Variants in CMBL observed in about 807,000 individuals in gnomAD.
The protein encoded by CMBL is carboxymethylenebutenolidase homolog (Pseudomonas).
A neutral mutation model predicts 28.7 loss-of-function variants in CMBL; 17 were observed. The observed-to-expected ratio is 0.59, with a 90% CI of 0.41 to 0.89. The LOEUF is 0.89. Among genes scored for constraint, CMBL ranks in the 40% least tolerant of loss-of-function variants. The pLI, the probability that CMBL is intolerant of heterozygous loss-of-function variation, is 0.00. For missense variants in CMBL, 310 were observed against 298.5 expected, an observed-to-expected ratio of 1.04 and a Z score of -0.28; for synonymous variants, 106 against 101.6, an observed-to-expected ratio of 1.04 and a Z score of -0.26.
At chr5:10,290,168 G>A (rs1047629321) in intron 2 of CMBL, among the ~76,000 whole-genome samples, 5 of 152,238 alleles carry the variant, frequency 3.3e-5, no homozygotes, top group African/African-American at 9.6e-5. Flanking sequence ...CAAATGGGCC[G>A]TGAAATCTGA....
At chr5:10,293,544 T>C (rs892169324) in intron 1 of CMBL, among the ~76,000 whole-genome samples, 1 of 151,966 alleles carries the variant, frequency 6.6e-6, no homozygotes, top group African/African-American at 2.4e-5. Flanking sequence ...TTTCAACATA[T>C]GTTAAAACTA....
chr5:10,297,731 C>T (rs1384127620), intron 1 of CMBL, among the ~76,000 whole-genome samples: 8 of 151,930 alleles, frequency 5.3e-5, no homozygotes, highest in South Asian at 2.1e-4. Flanking sequence ...TCAATGACCC[C>T]GGGAGAGAGG....
rs1453106218 is a variant in CMBL, at chr5:10,278,410, G to T, written c.*2043C>A. ...GTCCCACTGACCCCCACACCCACAT[G>T]GACCATGCCGATATCCTACCCACAC... is the stretch of plus-strand genomic sequence containing the variant. On this transcript the variant is annotated 3_prime_UTR_variant, in exon 6 of 6. Coordinates refer to ENST00000296658, the MANE Select transcript of CMBL (RefSeq NM_138809.4). Among the ~76,000 whole-genome samples, 1 of 152,028 alleles carries T rather than the reference G, an allele frequency of 6.6e-6. No individual in the cohort carries two copies. The highest frequency in any genetic ancestry group is 2.4e-5 in the African/African-American group (1 of 41,386).
intron 1 of CMBL, among the ~76,000 whole-genome samples, chr5:10,305,893 AATTCCAAG>A (rs1746993652): frequency 6.6e-6 from 1 of 152,094 alleles, no homozygotes; most frequent in South Asian, 2.1e-4. Flanking sequence ...TTGATCTGCA[AATTCCAAG>A]GGTATGCTCC....
At chr5:10,291,051 C>T (rs10059006) in intron 1 of CMBL, among the ~76,000 whole-genome samples, 36,273 of 151,922 alleles carry the variant, frequency 0.24, 6,090 homozygotes, top group African/African-American at 0.48. Flanking sequence ...GGGGCAGGAT[C>T]GGAGAGGAAA....
chr5:10,299,773 C>A (rs561778840), intron 1 of CMBL, among the ~76,000 whole-genome samples: 1 of 151,954 alleles, frequency 6.6e-6, no homozygotes, highest in East Asian at 1.9e-4. Context: ...ATTGCTTGAG[C>A]CCAGGAGGTC....
chr5:10,299,638 G>A (rs1295865508), intron 1 of CMBL, among the ~76,000 whole-genome samples: 1 of 150,736 alleles, frequency 6.6e-6, no homozygotes, highest in Non-Finnish European at 1.5e-5. Context: ...CCAGGAGTTC[G>A]AGACCATCCT....
chr5:10,291,657 T>A (rs1279400861), intron 1 of CMBL, among the ~76,000 whole-genome samples: 3 of 137,676 alleles, frequency 2.2e-5, no homozygotes, highest in Admixed American at 7.0e-5. Flanking sequence ...CGAGACGCCG[T>A]CTCAAAAACA....
chr5:10,299,742 T>C (rs1746863824), intron 1 of CMBL, among the ~76,000 whole-genome samples: 1 of 150,380 alleles, frequency 6.6e-6, no homozygotes, highest in Non-Finnish European at 1.5e-5. Context: ...TCCCAGCTAC[T>C]CAGGAGGCTG....
intron 4 of CMBL, 31 bp from the exon 5 acceptor site, chr5:10,282,319 G>T (rs1259314330): frequency 7.8e-7 from 1 of 1,288,056 alleles, no homozygotes; most frequent in South Asian, 1.2e-5. Flanking sequence ...CATGATGTCT[G>T]ATCCCCACAC....
At chr5:10,291,653 G>A (rs375123259) in intron 1 of CMBL, among the ~76,000 whole-genome samples, 1 of 146,588 alleles carries the variant, frequency 6.8e-6, no homozygotes, top group African/African-American at 2.7e-5. Flanking sequence ...AGAGCGAGAC[G>A]CCGTCTCAAA....
Position 10,289,421 on chromosome 5 carries a change from A to G in CMBL, c.216-892T>C, listed in dbSNP as rs1284908124. Among the ~76,000 whole-genome samples the G allele has an allele frequency of 6.6e-6, 1 of 152,088 alleles. No individual in the cohort carries two copies. The highest frequency in any genetic ancestry group is 1.5e-5 in the Non-Finnish European group (1 of 68,018). On this transcript the variant is annotated intron_variant, in intron 2 of 5. Transcript: ENST00000296658. This position sits in a 1 kb window ranked among gnomAD's most constrained non-coding sequence, Gnocchi z 4.3. ...GTCTTTCCTTATCTTTTATGTCCTG[A>G]CCCCTGCTAAAGGACCCTCCGTGAA...
chr5:10,282,638 C>T (rs1488120951), intron 4 of CMBL, among the ~76,000 whole-genome samples: 1 of 151,818 alleles, frequency 6.6e-6, no homozygotes, highest in Non-Finnish European at 1.5e-5. Flanking sequence ...CAAACATAAG[C>T]CGGGTGTGGT....
chr5:10,290,979 A>C (rs1746703310), intron 1 of CMBL, among the ~76,000 whole-genome samples, 198 bp from the exon 2 acceptor site: 1 of 152,222 alleles, frequency 6.6e-6, no homozygotes, highest in Admixed American at 6.5e-5. Context: ...TGCCGGATTG[A>C]ATAACAACAA....
intron 4 of CMBL, among the ~76,000 whole-genome samples, chr5:10,285,753 A>G (rs1374413054): frequency 5.6e-5 from 8 of 142,886 alleles, no homozygotes; most frequent in African/African-American, 2.1e-4. Flanking sequence ...GCTGGAGTGC[A>G]GCGGCATGAT....
intron 1 of CMBL, among the ~76,000 whole-genome samples, chr5:10,293,891 T>C (rs1442972317): frequency 1.3e-5 from 2 of 152,202 alleles, no homozygotes; most frequent in East Asian, 1.9e-4. Flanking sequence ...TGGTAATCAA[T>C]GCTAAGAAGA....
At chr5:10,302,932 A>G (rs1463507383) in intron 1 of CMBL, among the ~76,000 whole-genome samples, 1 of 152,210 alleles carries the variant, frequency 6.6e-6, no homozygotes, top group Non-Finnish European at 1.5e-5. Flanking sequence ...CTGATCCTGA[A>G]AAGATTACCT....
intron 4 of CMBL, among the ~76,000 whole-genome samples, chr5:10,285,540 T>C (rs571791172): frequency 1.3e-5 from 2 of 152,202 alleles, no homozygotes; most frequent in African/African-American, 4.8e-5. Context: ...TCAAGCCATC[T>C]GCCCATCTTG....
intron 4 of CMBL, 192 bp downstream of exon 4, chr5:10,286,162 C>A: frequency 1.8e-6 from 1 of 542,494 alleles, no homozygotes; most frequent in Non-Finnish European, 3.1e-6. Flanking sequence ...TCTTGACTCC[C>A]GGTGACATCC....
Sources: gnomAD v4.1 joint callset for allele counts (sites outside exome capture counted in the v4.1 genomes callset) on GRCh38, gnomAD v4.1.1 for gene constraint, Gnocchi (gnomAD v3.1) non-coding constraint, MANE v1.5 for transcripts, NCBI Gene and HGNC (gene_info 2026-07-23, HGNC 2026-07-21) for gene names.